The following ZKSCAN5 variants were observed in gnomAD, a reference collection of about 807,000 sequenced individuals.
The protein encoded by ZKSCAN5 is zinc finger protein with KRAB and SCAN domains 5.
In ZKSCAN5, 28 loss-of-function variants were observed where a neutral mutation model predicts 60.0. The ratio of observed to expected loss-of-function variants is 0.47; its 90% CI spans 0.35 to 0.64. The LOEUF (loss-of-function observed/expected upper bound fraction) is 0.64. Ranked by LOEUF, ZKSCAN5 falls within the 30% of genes least tolerant of loss-of-function variation. The pLI, the probability that ZKSCAN5 is intolerant of heterozygous loss-of-function variation, is 0.01. For missense variants in ZKSCAN5, 881 were observed against 1,034.6 expected (o/e 0.85, Z 2.04); for synonymous variants, 361 against 371.2 (o/e 0.97, Z 0.31).
At position 99,532,128 on chromosome 7, in the gene ZKSCAN5, C is replaced by A. The variant is rs1802080453; in HGVS notation, c.2399C>A (p.Pro800His). 1 of 1,614,056 alleles carries A rather than the reference C, an allele frequency of 6.2e-7. No individual in the cohort carries two copies. Among genetic ancestry groups the A allele is most frequent in the African/African-American group, 1.3e-5 (1 of 75,044 alleles). The change falls in exon 7 of 7, where the codon CCT (proline) becomes CAT (histidine). Residue 800 changes from proline (P) to histidine (H), a missense_variant. By Grantham distance (77) the Pro-to-His change is moderately conservative. This residue lies in a region of ZKSCAN5 where 138 missense variants were observed against 143.8 expected (regional missense o/e 0.96). Transcript: ENST00000326775. ...CAGAGAATCCATACTGGTGAGAAAC[C>A]TTTTCAATGTAAAGAATGTGGAATG... is the stretch of plus-strand genomic sequence containing the variant. ...QHQRIHTGEK[P>H]FQCKECGMNF...
At position 99,531,469 on chromosome 7, in the gene ZKSCAN5, G is replaced by T. The variant is rs1340470560; in HGVS notation, c.1740G>T (p.Glu580Asp). Residue 580 changes from glutamate to aspartate, a missense_variant, in exon 7 of 7, where the codon GAG becomes GAT. Around this residue, in one of 5 missense-constraint regions of ZKSCAN5, gnomAD observed 112 missense variants for 182.4 expected, o/e 0.61. Coordinates refer to ENST00000326775, the MANE Select transcript of ZKSCAN5 (RefSeq NM_145102.4). ...IHTGEKPFRCEECGKSYNQRV... is the reference protein window; with the variant it reads ...IHTGEKPFRCDECGKSYNQRV... ...CTGGGGAGAAACCATTCAGGTGTGA[G>T]GAATGTGGGAAAAGCTACAACCAAC... 1.9e-5 allele frequency: 30 copies of T among 1,614,184 alleles called. No individual in the cohort carries two copies. The highest frequency in any genetic ancestry group is 2.5e-5 in the Non-Finnish European group (30 of 1,180,018).
At chr7:99,518,151 A>G (rs1584184410) in intron 3 of ZKSCAN5, among the ~76,000 whole-genome samples, 1 of 152,148 alleles carries the variant, frequency 6.6e-6, no homozygotes, top group African/African-American at 2.4e-5. Flanking sequence ...ACTAGGGGCC[A>G]GGCACAGTGG....
rs565720114 is a variant in ZKSCAN5, at chr7:99,506,528, T to A, written c.414+70T>A. On this transcript the variant is annotated intron_variant, in intron 2 of 6. Coordinates refer to ENST00000326775, the MANE Select transcript of ZKSCAN5 (RefSeq NM_145102.4). ...ACCATCTGCTGAGCAGGGGTGAGAT[T>A]CTTAGTCCTCTGCTGCTTCATTCAT... 5.4e-5 allele frequency: 81 copies of A among 1,494,450 alleles called. 1 individual carries two copies. In the South Asian group the frequency reaches 1.1e-3, roughly 20 times the overall value. 92.6% of individuals were successfully genotyped at this position (1,494,450 alleles called of 1,614,324 possible). A position where few individuals can be genotyped will look rare whatever the true frequency, so the allele number is the denominator to read the frequency against.
Position 99,531,219 on chromosome 7 carries a change from T to G in ZKSCAN5, c.1490T>G (p.Val497Gly), listed in dbSNP as rs60466806. Reference protein sequence around the residue: ...SGKTQRNVSQVQDFGEGCEFQ... With the variant: ...SGKTQRNVSQGQDFGEGCEFQ... ...AAAACCCAAAGAAATGTTTCTCAAG[T>G]TCAAGATTTTGGAGAAGGCTGTGAG... Residue 497 changes from valine (V) to glycine (G), a missense_variant, in exon 7 of 7, where the codon GTT (valine) becomes GGT (glycine). By Grantham distance (109) the Val-to-Gly change is moderately radical. Coordinates refer to ENST00000326775, the MANE Select transcript of ZKSCAN5 (RefSeq NM_145102.4). 1,457 of 1,614,030 alleles carry G rather than the reference T, an allele frequency of 9.0e-4. 15 individuals carry two copies. The African/African-American group carries it at 0.017, about 19-fold the overall frequency.
chr7:99,519,972 T>G (rs909515408), intron 4 of ZKSCAN5, 63 bp downstream of exon 4: 4 of 1,589,698 alleles, frequency 2.5e-6, no homozygotes, highest in Admixed American at 1.7e-5. Context: ...AGAGTTCTGT[T>G]TCTTTAGCCA....
intron 5 of ZKSCAN5, 126 bp from the exon 6 acceptor site, chr7:99,525,687 C>T: frequency 7.6e-7 from 1 of 1,318,046 alleles, no homozygotes. Flanking sequence ...CATCCCTGTA[C>T]TGTAAAAGTC....
intron 3 of ZKSCAN5, among the ~76,000 whole-genome samples, chr7:99,518,178 C>T (rs1044283717): frequency 1.6e-4 from 24 of 151,960 alleles, no homozygotes; most frequent in African/African-American, 5.8e-4. Context: ...CCTGTAATCC[C>T]AGCACTTTGG....
At position 99,511,821 on chromosome 7, in the gene ZKSCAN5, G is replaced by A. The variant is rs566314427; in HGVS notation, c.415-632G>A. Among the ~76,000 whole-genome samples, 4 of 150,338 alleles carry A rather than the reference G, an allele frequency of 2.7e-5. No homozygotes were observed. In the East Asian group the frequency reaches 5.9e-4, roughly 22 times the overall value. ...TTTTTTTTTTTTGAGACGGAGTCTC[G>A]CTCTGTCACCCAGGCTAGAGTGCAG... On this transcript the variant is annotated intron_variant, in intron 2 of 6. Transcript: ENST00000326775.
intron 5 of ZKSCAN5, 51 bp downstream of exon 5, chr7:99,520,355 T>C (rs368971850): frequency 8.4e-6 from 13 of 1,540,812 alleles, no homozygotes; most frequent in South Asian, 3.8e-5. Flanking sequence ...TTTGTTATCT[T>C]GTAAAGAGTA....
chr7:99,527,411 A>T (rs1801839817), intron 6 of ZKSCAN5, among the ~76,000 whole-genome samples: 1 of 152,210 alleles, frequency 6.6e-6, no homozygotes, highest in Admixed American at 6.6e-5. Context: ...AAGAAAAAAT[A>T]AATCACCCAT....
Position 99,506,167 on chromosome 7 carries a change from C to G in ZKSCAN5, c.123C>G (p.Tyr41Ter). The G allele has an allele frequency of 2.5e-6, 4 of 1,614,174 alleles. No individual in the cohort carries two copies. Among genetic ancestry groups the G allele is most frequent in the Non-Finnish European group, 8.5e-7 (1 of 1,180,036 alleles). The change falls in exon 2 of 7, where the codon TAC becomes TAG. Residue 41 changes from tyrosine to a stop codon, truncating the protein, a stop_gained. Transcript: ENST00000326775. LOFTEE classifies it high-confidence loss of function. Reference sequence around the variant, plus strand: ...AAGACTGCACCTGGATGCAGGAGTACAACCCGCCAACGTTTGAGACTTTTT... The same window carrying G: ...AAGACTGCACCTGGATGCAGGAGTAGAACCCGCCAACGTTTGAGACTTTTT... ...EEEDCTWMQE[Y>*]NPPTFETFYQ...
rs1250906023 is a variant in ZKSCAN5, at chr7:99,533,334, A to G, written c.*1085A>G. On this transcript the variant is annotated 3_prime_UTR_variant, in exon 7 of 7. Transcript: ENST00000326775. The stretch of plus-strand genomic sequence containing the variant: ...AGTTTTGAGTGGGAAAGAGGATGAC[A>G]TGTGTGAGAGAGTTCTGAGCCTGTT... 1.6e-6 allele frequency: 1 copy of G among 643,018 alleles called. No homozygotes were observed. The highest frequency in any genetic ancestry group is 2.9e-6 in the Non-Finnish European group (1 of 348,856). 39.8% of individuals were successfully genotyped at this position (643,018 alleles called of 1,614,324 possible). A position where few individuals can be genotyped will look rare whatever the true frequency, so the allele number is the denominator to read the frequency against.
Position 99,533,602 on chromosome 7 carries a change from T to C in ZKSCAN5, c.*1353T>C, listed in dbSNP as rs1316276255. On this transcript the variant is annotated 3_prime_UTR_variant, in exon 7 of 7. Coordinates refer to ENST00000326775, the MANE Select transcript of ZKSCAN5 (RefSeq NM_145102.4). ...AATTGCCCTCAGGAGATGAGAGCCA[T>C]CTCACCTCACCCAGGAGTCACTTCC... 1 of 407,930 alleles carries C rather than the reference T, an allele frequency of 2.5e-6. No individual in the cohort carries two copies. The highest frequency in any genetic ancestry group is 4.3e-6 in the Non-Finnish European group (1 of 231,684). The allele number at this position is 407,930 out of a possible 1,614,324, so 25.3% of individuals were successfully genotyped here. A position where few individuals can be genotyped will look rare whatever the true frequency, so the allele number is the denominator to read the frequency against.
At position 99,509,659 on chromosome 7, in the gene ZKSCAN5, G is replaced by T. The variant is rs529121882; in HGVS notation, c.415-2794G>T. On this transcript the variant is annotated intron_variant, in intron 2 of 6. Coordinates refer to ENST00000326775, the MANE Select transcript of ZKSCAN5 (RefSeq NM_145102.4). ...TTTCCTGTATTTCTAGTAGAGTCGG[G>T]GTTTCACCGTGTTAGCCAGGATGGT... Among the ~76,000 whole-genome samples, 4 of 150,858 alleles carry T rather than the reference G, an allele frequency of 2.7e-5. No homozygotes were observed. The South Asian group carries it at 8.4e-4, about 32-fold the overall frequency.
chr7:99,520,630 GGAGGCC>G (rs1801494222), intron 5 of ZKSCAN5, among the ~76,000 whole-genome samples: 1 of 152,080 alleles, frequency 6.6e-6, no homozygotes, highest in Admixed American at 6.6e-5. Flanking sequence ...TAGCACTTTG[GGAGGCC>G]GAGGTGGGAG....
chr7:99,515,326 G>A lies in ZKSCAN5; in HGVS notation c.553+2735G>A, dbSNP rs923503572. Among the ~76,000 whole-genome samples, 15 of 151,964 alleles carry A rather than the reference G, an allele frequency of 9.9e-5. 1 individual carries two copies. The South Asian group carries it at 1.5e-3, about 15-fold the overall frequency. On this transcript the variant is annotated intron_variant, in intron 3 of 6. Coordinates refer to ENST00000326775, the MANE Select transcript of ZKSCAN5 (RefSeq NM_145102.4). ...GGAGGCTGAGACAGGAGAATGGCTTGAACACGGGAGGCAGAGGTTGCTGTG... is the reference window on the plus strand; with the variant it reads ...GGAGGCTGAGACAGGAGAATGGCTTAAACACGGGAGGCAGAGGTTGCTGTG...
chr7:99,531,286 A>G lies in ZKSCAN5; in HGVS notation c.1557A>G (p.Lys519=), dbSNP rs760819295. 6.2e-7 allele frequency: 1 copy of G among 1,614,176 alleles called. No individual in the cohort carries two copies. Among genetic ancestry groups the G allele is most frequent in the Non-Finnish European group, 8.5e-7 (1 of 1,180,022 alleles). Residue 519 remains lysine, a synonymous_variant, in exon 7 of 7, where the codon AAA becomes AAG. Coordinates refer to ENST00000326775, the MANE Select transcript of ZKSCAN5 (RefSeq NM_145102.4). The part of the protein sequence containing the change: ...KLDRKQGIPM[K]EILGQPSSKR... ...ATAGAAAGCAGGGAATTCCCATGAA[A>G]GAGATACTAGGACAACCATCTTCAA...
chr7:99,534,352 C>A lies in ZKSCAN5; in HGVS notation c.*2103C>A. The A allele has an allele frequency of 6.6e-6, 1 of 152,272 alleles. No homozygotes were observed. The highest frequency in any genetic ancestry group is 1.5e-5 in the Non-Finnish European group (1 of 68,104). 9.4% of individuals were successfully genotyped at this position (152,272 alleles called of 1,614,324 possible). A position where few individuals can be genotyped will look rare whatever the true frequency, so the allele number is the denominator to read the frequency against. On this transcript the variant is annotated 3_prime_UTR_variant, in exon 7 of 7. Coordinates refer to ENST00000326775, the MANE Select transcript of ZKSCAN5 (RefSeq NM_145102.4). ...CCTCCTGAATAGCTGGGACTACAGGCACATGCCACCATGAGTGGCTAATTT... is the reference window on the plus strand; with the variant it reads ...CCTCCTGAATAGCTGGGACTACAGGAACATGCCACCATGAGTGGCTAATTT...
intron 3 of ZKSCAN5, 49 bp downstream of exon 3, chr7:99,512,640 C>T (rs367685687): frequency 1.3e-6 from 2 of 1,587,770 alleles, no homozygotes; most frequent in Non-Finnish European, 1.7e-6. Context: ...GAGTGGGTGC[C>T]TTGGCCATGT....
Sources: allele counts gnomAD v4.1 joint callset (sites outside exome capture counted in the v4.1 genomes callset), GRCh38; gene constraint gnomAD v4.1.1; regional missense constraint gnomAD v4.1.1; transcripts MANE v1.5; gene names NCBI Gene and HGNC (gene_info 2026-07-23, HGNC 2026-07-21).